NBAS: variants seen among roughly 807,000 people sequenced by gnomAD.
NBAS encodes NAG/BC035112 fusion.
A neutral mutation model predicts 302.5 loss-of-function variants in NBAS; 219 were observed. The ratio of observed to expected loss-of-function variants is 0.72; its 90% CI spans 0.65 to 0.81. The LOEUF is 0.81. NBAS is among the 30% of genes least tolerant of loss of function. The pLI is 0.00. For synonymous variants in NBAS, 1,118 were observed against 1,021.6 expected (o/e 1.09, Z -1.80); for missense variants, 2,932 against 2,841.6 (o/e 1.03, Z -0.72).
At chr2:14,993,114 C>G in the NBAS span, among the ~76,000 whole-genome samples, 1 of 152,168 alleles carries the variant, frequency 6.6e-6, no homozygotes, top group Non-Finnish European at 1.5e-5. Context: ...TTGAGCGTCT[C>G]CTATGAGCAA....
the NBAS span, among the ~76,000 whole-genome samples, chr2:14,954,408 G>A: frequency 6.6e-6 from 1 of 152,118 alleles, no homozygotes; most frequent in Admixed American, 6.5e-5. Flanking sequence ...GCACAGTGGC[G>A]ACCAGCAGGC....
intron 47 of NBAS, among the ~76,000 whole-genome samples, chr2:15,224,082 C>T (rs1572479064): frequency 6.6e-6 from 1 of 152,148 alleles, no homozygotes; most frequent in Non-Finnish European, 1.5e-5. Context: ...CAGAAAAGAA[C>T]AGCAGCAGCA....
chr2:15,445,742 A>C (rs929657153), intron 21 of NBAS, among the ~76,000 whole-genome samples: 4 of 152,086 alleles, frequency 2.6e-5, no homozygotes, highest in African/African-American at 9.7e-5. Context: ...CTGTTATCCA[A>C]TAAAAGTTAC....
intron 38 of NBAS, among the ~76,000 whole-genome samples, chr2:15,316,553 C>T (rs749084516): frequency 2.6e-5 from 4 of 152,232 alleles, no homozygotes; most frequent in Non-Finnish European, 5.9e-5. Context: ...TCTTAGCAAC[C>T]GGCAGACAAG....
At chr2:14,986,886 T>A in the NBAS span, among the ~76,000 whole-genome samples, 26,680 of 152,090 alleles carry the variant, frequency 0.18, 3,142 homozygotes, top group Non-Finnish European at 0.27. Flanking sequence ...TCAAATTCCA[T>A]AGGAAAAAAT....
intron 11 of NBAS, among the ~76,000 whole-genome samples, chr2:15,498,622 G>A (rs1681160792): frequency 1.3e-5 from 2 of 152,152 alleles, no homozygotes; most frequent in Non-Finnish European, 2.9e-5. Context: ...CAAATCCCAT[G>A]TCAAATTGGA....
chr2:15,108,127 A>G, the NBAS span, among the ~76,000 whole-genome samples: 1 of 152,170 alleles, frequency 6.6e-6, no homozygotes, highest in Admixed American at 6.6e-5. Context: ...GGCTATTAGC[A>G]ATTAAGGCTG....
intron 51 of NBAS, among the ~76,000 whole-genome samples, chr2:15,169,891 A>G (rs1319601907): frequency 6.6e-6 from 1 of 152,172 alleles, no homozygotes; most frequent in African/African-American, 2.4e-5. Flanking sequence ...AGGGCATCTG[A>G]GTTACTGTAT....
At chr2:15,551,098 C>G (rs1664360369) in intron 6 of NBAS, among the ~76,000 whole-genome samples, 1 of 152,122 alleles carries the variant, frequency 6.6e-6, no homozygotes, top group Non-Finnish European at 1.5e-5. Flanking sequence ...AGCAAAACAG[C>G]ACATACACGT....
chr2:15,058,353 CA>C, the NBAS span, among the ~76,000 whole-genome samples: 1 of 152,154 alleles, frequency 6.6e-6, no homozygotes, highest in Non-Finnish European at 1.5e-5. Flanking sequence ...ACAGCCCCCA[CA>C]ACAAAAATTG....
intron 21 of NBAS, among the ~76,000 whole-genome samples, chr2:15,442,823 C>G (rs1215672102): frequency 6.6e-6 from 1 of 151,476 alleles, no homozygotes; most frequent in South Asian, 2.1e-4. Flanking sequence ...AAGGGGATAT[C>G]ACCACCGATC....
the NBAS span, among the ~76,000 whole-genome samples, chr2:14,924,952 C>A: frequency 6.6e-6 from 1 of 152,320 alleles, no homozygotes; most frequent in South Asian, 2.1e-4. Flanking sequence ...CTATTATTCT[C>A]TGGCACCTGA....
At position 15,341,451 on chromosome 2, in the gene NBAS, C is replaced by T. The variant is rs185020217; in HGVS notation, c.4179+10541G>A. 2.9e-3 allele frequency among the ~76,000 whole-genome samples: 433 copies of T among 151,736 alleles called. 1 individual carries two copies. Among genetic ancestry groups the T allele is most frequent in the Middle Eastern group, 6.8e-3 (2 of 294 alleles). On this transcript the variant is annotated intron_variant, in intron 35 of 51. Transcript: ENST00000281513. ...AAAGTAAAAGAAAACTGTTAACACCCATAGATTACACTGTAACTAAGATAG... is the reference window on the plus strand; with the variant it reads ...AAAGTAAAAGAAAACTGTTAACACCTATAGATTACACTGTAACTAAGATAG...
chr2:15,492,109 A>G (rs1373937749), intron 11 of NBAS, among the ~76,000 whole-genome samples: 2 of 152,232 alleles, frequency 1.3e-5, no homozygotes, highest in Non-Finnish European at 2.9e-5. Flanking sequence ...ATTTTCACTT[A>G]CACACAAAAG....
At chr2:15,149,501 T>A in the NBAS span, among the ~76,000 whole-genome samples, 1 of 152,232 alleles carries the variant, frequency 6.6e-6, no homozygotes, top group African/African-American at 2.4e-5. Context: ...TGTTTCTTTT[T>A]TTGACACAGG....
At chr2:14,843,268 T>G in the NBAS span, among the ~76,000 whole-genome samples, 1 of 152,178 alleles carries the variant, frequency 6.6e-6, no homozygotes, top group Non-Finnish European at 1.5e-5. Flanking sequence ...AAGACAAGGA[T>G]GCCCATTTTC....
chr2:15,109,841 A>G, the NBAS span, among the ~76,000 whole-genome samples: 146,799 of 152,158 alleles, frequency 0.96, 70,841 homozygotes, highest in East Asian at 1. Context: ...GTGGATGGGG[A>G]CACAAGCATT....
intron 44 of NBAS, among the ~76,000 whole-genome samples, chr2:15,273,612 TC>T (rs1229219437): frequency 6.6e-6 from 1 of 152,162 alleles, no homozygotes; most frequent in Non-Finnish European, 1.5e-5. Context: ...TAATATTATC[TC>T]CCTCACAGAT....
At chr2:15,531,613 C>A (rs533973527) in intron 9 of NBAS, among the ~76,000 whole-genome samples, 3 of 152,176 alleles carry the variant, frequency 2.0e-5, no homozygotes, top group Non-Finnish European at 4.4e-5. Context: ...CGAGGCCCTG[C>A]ATGATTCAGC....
Sources: gnomAD v4.1 joint callset for allele counts (sites outside exome capture counted in the v4.1 genomes callset) on GRCh38, gnomAD v4.1.1 for gene constraint, MANE v1.5 for transcripts, NCBI Gene and HGNC (gene_info 2026-07-23, HGNC 2026-07-21) for gene names.